The following POMT2 variants were observed in gnomAD, a reference collection of about 807,000 sequenced individuals.
The protein encoded by POMT2 is protein O-mannosyltransferase 2, also known as protein O-mannosyl-transferase 2.
A neutral mutation model predicts 100.0 loss-of-function variants in POMT2; 75 were observed. That is an observed-to-expected ratio of 0.75 (90% CI 0.62 to 0.91). The LOEUF is 0.91. Ranked by LOEUF, POMT2 falls within the 40% of genes least tolerant of loss-of-function variation. The probability of loss-of-function intolerance (pLI) is 0.00; values close to 1 mark genes in which losing one functional copy is unlikely to be tolerated. For synonymous variants in POMT2, 378 were observed against 374.1 expected, an observed-to-expected ratio of 1.01 and a Z score of -0.12; for missense variants, 940 against 955.1, an observed-to-expected ratio of 0.98 and a Z score of 0.21.
chr14:77,278,336 G>A, intron 20 of POMT2, 58 bp downstream of exon 20: 1 of 1,335,276 alleles, frequency 7.5e-7, no homozygotes, highest in Admixed American at 2.0e-5. Context: ...GAATGCATCA[G>A]GGCTGAGGCA....
intron 10 of POMT2, among the ~76,000 whole-genome samples, chr14:77,290,107 T>G (rs1204426470): frequency 6.6e-6 from 1 of 152,208 alleles, no homozygotes; most frequent in East Asian, 1.9e-4. Context: ...GGGGCATTTA[T>G]AGCCTTCAAG....
intron 11 of POMT2, 37 bp downstream of exon 11, chr14:77,288,725 C>T (rs758924323): frequency 9.0e-6 from 14 of 1,561,892 alleles, no homozygotes; most frequent in Middle Eastern, 3.4e-4. Flanking sequence ...CCTTGGTGCC[C>T]GTACCATTTA....
At chr14:77,278,151 A>G in intron 20 of POMT2, 4 of 528,806 alleles carry the variant, frequency 7.6e-6, no homozygotes, top group Non-Finnish European at 1.4e-5. Flanking sequence ...GATGGCACAA[A>G]AGCTGAACCA....
In POMT2 at chr14:77,283,790, C is replaced by CAT. The variant is rs1312796380; in HGVS notation, c.1653+6_1653+7insAT. 1 of 1,597,374 alleles carries CAT rather than the reference C, an allele frequency of 6.3e-7. No individual in the cohort carries two copies. The highest frequency in any genetic ancestry group is 1.3e-5 in the African/African-American group (1 of 74,480). ...GAGACGCCATGAAATGAGAAGGGGA[C>CAT]ACATACCCGGATCATGACCATGTGG... On this transcript the variant is annotated splice_region_variant and intron_variant, in intron 15 of 20. Coordinates refer to ENST00000261534, the MANE Select transcript of POMT2 (RefSeq NM_013382.7).
intron 3 of POMT2, 155 bp downstream of exon 3, chr14:77,306,182 C>T (rs1891222313): frequency 7.6e-6 from 10 of 1,318,142 alleles, no homozygotes; most frequent in East Asian, 2.7e-5. Flanking sequence ...TGAGTATCTA[C>T]ACCACAGGGG....
At chr14:77,282,355 C>A (rs10135825) in intron 15 of POMT2, among the ~76,000 whole-genome samples, 168 of 152,308 alleles carry the variant, frequency 1.1e-3, no homozygotes, top group African/African-American at 3.8e-3. Context: ...CCAGGCAAGG[C>A]AGCCTTCTCC....
At chr14:77,290,677 G>T (rs965225490) in intron 10 of POMT2, among the ~76,000 whole-genome samples, 1 of 152,228 alleles carries the variant, frequency 6.6e-6, no homozygotes, top group South Asian at 2.1e-4. Flanking sequence ...CCAAAGAAAG[G>T]AAGATCTGGC....
At position 77,279,966 on chromosome 14, in the gene POMT2, C is replaced by T. The variant is rs375630657; in HGVS notation, c.1786-38G>A. 7.6e-5 allele frequency: 122 copies of T among 1,614,124 alleles called. 1 individual carries two copies. The highest frequency in any genetic ancestry group is 3.3e-4 in the Middle Eastern group (2 of 6,062). On this transcript the variant is annotated intron_variant, in intron 17 of 20. Coordinates refer to ENST00000261534, the MANE Select transcript of POMT2 (RefSeq NM_013382.7). ...GGGAATGGGCAGATGAGAACGCAGC[C>T]GCTCTCCACGGGCAAGTGCTCCAGG...
At chr14:77,299,924 C>A (rs1186961407) in intron 6 of POMT2, 2 of 328,706 alleles carry the variant, frequency 6.1e-6, no homozygotes, top group Non-Finnish European at 1.2e-5. Flanking sequence ...ACTGTCCCAG[C>A]CCAACCCATC....
chr14:77,298,634 A>T lies in POMT2; in HGVS notation c.1006+55T>A. The stretch of plus-strand genomic sequence containing the variant: ...CCATCATATTTGTCTTTTCCAATTC[A>T]ACTCCCAGGACACCCCTCTGCCTTC... On this transcript the variant is annotated intron_variant, in intron 8 of 20. Coordinates refer to ENST00000261534, the MANE Select transcript of POMT2 (RefSeq NM_013382.7). 4.4e-6 allele frequency: 7 copies of T among 1,590,172 alleles called. No individual in the cohort carries two copies. The South Asian group carries it at 6.7e-5, about 15-fold the overall frequency.
chr14:77,302,351 C>G (rs561188150), intron 5 of POMT2, among the ~76,000 whole-genome samples: 4 of 152,282 alleles, frequency 2.6e-5, no homozygotes, highest in African/African-American at 9.6e-5. Context: ...CTATTCCCAT[C>G]ATTAGGTCAG....
In POMT2 at chr14:77,283,806, G is replaced by T; in HGVS notation, c.1644C>A (p.Val548=). The change falls in exon 15 of 21, where the codon GTC becomes GTA. Residue 548 remains valine, a synonymous_variant. Coordinates refer to ENST00000261534, the MANE Select transcript of POMT2 (RefSeq NM_013382.7). ...AGAAGGGGACACATACCCGGATCATGACCATGTGGGATTCCAGCAAGATCT... is the reference window on the plus strand; with the variant it reads ...AGAAGGGGACACATACCCGGATCATTACCATGTGGGATTCCAGCAAGATCT... ...FPEILLESHM[V]MIRGNSGLKP... 1 of 1,609,506 alleles carries T rather than the reference G, an allele frequency of 6.2e-7. No homozygotes were observed. Among genetic ancestry groups the T allele is most frequent in the South Asian group, 1.1e-5 (1 of 90,948 alleles).
intron 2 of POMT2, among the ~76,000 whole-genome samples, chr14:77,307,815 C>T (rs1891277876): frequency 6.6e-6 from 1 of 151,516 alleles, no homozygotes; most frequent in Admixed American, 6.6e-5. Flanking sequence ...TCAATTCTCT[C>T]TCAGTTCCCT....
intron 2 of POMT2, among the ~76,000 whole-genome samples, chr14:77,307,762 A>G (rs1460435607): frequency 1.3e-5 from 2 of 152,158 alleles, no homozygotes; most frequent in Non-Finnish European, 2.9e-5. Context: ...GCTATTAAGT[A>G]AACACCTAAC....
intron 9 of POMT2, among the ~76,000 whole-genome samples, chr14:77,295,749 T>C (rs1890806246): frequency 6.6e-6 from 1 of 151,948 alleles, no homozygotes; most frequent in Non-Finnish European, 1.5e-5. Flanking sequence ...GGTTCCCAGG[T>C]CTGTGTTCAT....
intron 1 of POMT2, among the ~76,000 whole-genome samples, chr14:77,317,485 T>C (rs1322482436): frequency 6.6e-6 from 1 of 152,216 alleles, no homozygotes; most frequent in East Asian, 1.9e-4. Context: ...ATAGCCAAGG[T>C]ATTCGATGGA....
At chr14:77,314,541 T>C (rs929835161) in intron 1 of POMT2, among the ~76,000 whole-genome samples, 1 of 152,126 alleles carries the variant, frequency 6.6e-6, no homozygotes, top group Non-Finnish European at 1.5e-5. Context: ...AGGAGAGACA[T>C]AGTCTTTGGT....
intron 5 of POMT2, among the ~76,000 whole-genome samples, chr14:77,302,312 T>A (rs1594797211): frequency 6.6e-6 from 1 of 152,224 alleles, no homozygotes; most frequent in East Asian, 1.9e-4. Flanking sequence ...TTGGCTGGTA[T>A]GGACCATTCA....
intron 1 of POMT2, 136 bp from the exon 2 acceptor site, chr14:77,312,169 T>A: frequency 1.5e-6 from 2 of 1,372,870 alleles, no homozygotes; most frequent in Non-Finnish European, 1.9e-6. Context: ...AAAAAAAAAA[T>A]ATTTTGACAC....
Sources: allele counts gnomAD v4.1 joint callset (sites outside exome capture counted in the v4.1 genomes callset), GRCh38; gene constraint gnomAD v4.1.1; transcripts MANE v1.5; gene names NCBI Gene and HGNC (gene_info 2026-07-23, HGNC 2026-07-21).